The following IFT140 variants were observed in gnomAD, a reference collection of about 807,000 sequenced individuals.
IFT140 encodes intraflagellar transport protein 140 homolog.
IFT140 carries 133 observed loss-of-function variants against 164.6 expected under a neutral mutation model. The observed-to-expected ratio is 0.81, with a 90% CI of 0.70 to 0.93. IFT140 has a LOEUF of 0.93. Ranked by LOEUF, IFT140 falls within the 40% of genes least tolerant of loss-of-function variation. The probability of loss-of-function intolerance (pLI) is 0.00; values close to 1 mark genes in which losing one functional copy is unlikely to be tolerated. For missense variants in IFT140, 2,045 were observed against 1,972.3 expected, an observed-to-expected ratio of 1.04 and a Z score of -0.70; for synonymous variants, 860 against 817.3, an observed-to-expected ratio of 1.05 and a Z score of -0.89.
chr16:1,513,136 C>T (rs1567315334), intron 30 of IFT140: 1 of 152,206 alleles, frequency 6.6e-6, no homozygotes, highest in Non-Finnish European at 1.5e-5. Context: ...ATCGGCATAG[C>T]TGCAGGGTCT....
chr16:1,597,154 C>T (rs536705722), intron 4 of IFT140, among the ~76,000 whole-genome samples: 2 of 152,190 alleles, frequency 1.3e-5, no homozygotes, highest in South Asian at 2.1e-4. Context: ...CATCAGGGTG[C>T]GCGTCAGGTG....
chr16:1,566,336 C>T, intron 15 of IFT140, 45 bp from the exon 16 acceptor site: 2 of 1,605,932 alleles, frequency 1.2e-6, no homozygotes, highest in Non-Finnish European at 1.7e-6. Context: ...CTGCCCAGAC[C>T]AGCGGGTTGG....
chr16:1,604,661 G>A (rs2142068237), intron 3 of IFT140, among the ~76,000 whole-genome samples: 1 of 152,282 alleles, frequency 6.6e-6, no homozygotes, highest in East Asian at 1.9e-4. Flanking sequence ...GGAGGCCTGT[G>A]AGGGCACAGC....
At chr16:1,539,346 C>T (rs1043873016) in intron 19 of IFT140, among the ~76,000 whole-genome samples, 3 of 150,976 alleles carry the variant, frequency 2.0e-5, no homozygotes, top group African/African-American at 4.9e-5. Context: ...GTGCAAATGC[C>T]GCCCCACGCC....
At chr16:1,528,321 ATG>A (rs2029957104) in intron 19 of IFT140, among the ~76,000 whole-genome samples, 6 of 118,272 alleles carry the variant, frequency 5.1e-5, no homozygotes, top group Non-Finnish European at 1.0e-4. Flanking sequence ...ACACGCACGC[ATG>A]CACGCACGTG....
Position 1,518,294 on chromosome 16 carries a change from G to T in IFT140, c.4104C>A (p.Asp1368Glu), listed in dbSNP as rs746684542. The T allele has an allele frequency of 4.3e-6, 7 of 1,614,010 alleles. No homozygotes were observed. The highest frequency in any genetic ancestry group is 5.1e-6 in the Non-Finnish European group (6 of 1,180,024). Residue 1368 changes from aspartate to glutamate, a missense_variant, in exon 30 of 31, where the codon GAC becomes GAA. By Grantham distance (45) the Asp-to-Glu change is conservative. Transcript: ENST00000426508. Reference sequence around the variant, plus strand: ...CCCCGATGCGGATGGTGCTGTCCAGGTCTGGTTCCTCCAGGAGCAGCTCAC... The same window carrying T: ...CCCCGATGCGGATGGTGCTGTCCAGTTCTGGTTCCTCCAGGAGCAGCTCAC... ...KQCELLLEEP[D>E]LDSTIRIGDV...
intron 19 of IFT140, chr16:1,534,399 A>G (rs1166565780): frequency 6.2e-7 from 1 of 1,612,638 alleles, no homozygotes; most frequent in South Asian, 1.1e-5. Flanking sequence ...GCGCAGGCGC[A>G]GCGTGGGGCT....
chr16:1,596,195 C>T (rs2035454636), intron 4 of IFT140, among the ~76,000 whole-genome samples: 1 of 148,018 alleles, frequency 6.8e-6, no homozygotes, highest in South Asian at 2.2e-4. Context: ...TGAATGACCC[C>T]CCCATCCCCC....
At chr16:1,592,995 G>T (rs2035270267) in intron 4 of IFT140, among the ~76,000 whole-genome samples, 1 of 151,188 alleles carries the variant, frequency 6.6e-6, no homozygotes, top group South Asian at 2.1e-4. Context: ...GGAGGGACAG[G>T]TGTCCTGGCA....
chr16:1,536,244 C>A (rs571986236), intron 19 of IFT140, among the ~76,000 whole-genome samples: 17 of 152,356 alleles, frequency 1.1e-4, no homozygotes, highest in Non-Finnish European at 2.4e-4. Flanking sequence ...CTACCTCTTG[C>A]GTTCCTCCAG....
chr16:1,601,350 T>C (rs2035789196), intron 4 of IFT140, among the ~76,000 whole-genome samples: 1 of 151,890 alleles, frequency 6.6e-6, no homozygotes, highest in East Asian at 1.9e-4. Context: ...CTAAAGGACA[T>C]TCCTGGGACA....
intron 15 of IFT140, among the ~76,000 whole-genome samples, chr16:1,567,444 C>T (rs544289437): frequency 5.3e-5 from 8 of 152,298 alleles, no homozygotes; most frequent in East Asian, 3.9e-4. Flanking sequence ...CGCTCACTCT[C>T]GCCCCAACCT....
chr16:1,593,454 G>A lies in IFT140; in HGVS notation c.370-866C>T, dbSNP rs187540964. Among the ~76,000 whole-genome samples, 616 of 152,152 alleles carry A rather than the reference G, an allele frequency of 4.0e-3. 4 individuals carry two copies. The Middle Eastern group carries it at 0.048, about 12-fold the overall frequency. ...AGCCTCCTGAGTAGCTGGGACGACA[G>A]GTGCATGCCACCACACCCAGCTAAT... is the stretch of plus-strand genomic sequence containing the variant. On this transcript the variant is annotated intron_variant, in intron 4 of 30. Coordinates refer to ENST00000426508, the MANE Select transcript of IFT140 (RefSeq NM_014714.4).
chr16:1,561,774 A>G (rs1405416947), intron 18 of IFT140, among the ~76,000 whole-genome samples: 1 of 152,196 alleles, frequency 6.6e-6, no homozygotes, highest in East Asian at 1.9e-4. Flanking sequence ...TGAGAGCAAA[A>G]CCACTTCCAA....
intron 19 of IFT140, among the ~76,000 whole-genome samples, chr16:1,537,402 C>T (rs902091939): frequency 6.6e-6 from 1 of 152,244 alleles, no homozygotes; most frequent in Non-Finnish European, 1.5e-5. Context: ...GCAAACATCA[C>T]CAGGAGCCTG....
chr16:1,588,041 C>T lies in IFT140; in HGVS notation c.811-17G>A. ...CAGCTTGACCTGTGTGAGGAAACAA[C>T]CGAGCAGAGGCACCGTGCTTGCTGA... On this transcript the variant is annotated splice_polypyrimidine_tract_variant and intron_variant, in intron 7 of 30. Coordinates refer to ENST00000426508, the MANE Select transcript of IFT140 (RefSeq NM_014714.4). 6.2e-7 allele frequency: 1 copy of T among 1,611,316 alleles called. No individual in the cohort carries two copies. Among genetic ancestry groups the T allele is most frequent in the Non-Finnish European group, 8.5e-7 (1 of 1,178,442 alleles).
At chr16:1,610,884 T>C (rs1287438028) in intron 1 of IFT140, 31 bp from the exon 2 acceptor site, 1 of 152,850 alleles carries the variant, frequency 6.5e-6, no homozygotes, top group African/African-American at 2.4e-5. Context: ...GAGCTTTTTC[T>C]AGGAGAGACG....
chr16:1,533,911 G>A lies in IFT140; in HGVS notation c.2400-7115C>T, dbSNP rs368707958. 7 of 308,454 alleles carry A rather than the reference G, an allele frequency of 2.3e-5. No individual in the cohort carries two copies. The East Asian group carries it at 3.0e-4, about 13-fold the overall frequency. 19.1% of individuals were successfully genotyped at this position (308,454 alleles called of 1,614,324 possible). ...TCCCACTGCTGCCGGCCTCCCGAGT[G>A]ACTCTGTTTTCCACTGCTGCAGGCG... On this transcript the variant is annotated intron_variant, in intron 19 of 30. Transcript: ENST00000426508. This position sits in a 1 kb window ranked among gnomAD's most constrained non-coding sequence, Gnocchi z 4.7.
intron 19 of IFT140, 128 bp downstream of exon 19, chr16:1,557,807 A>C: frequency 1.1e-6 from 1 of 919,268 alleles, no homozygotes; most frequent in Non-Finnish European, 1.7e-6. Flanking sequence ...GAAGACCATG[A>C]AATACACCAT....
Sources: gnomAD v4.1 joint callset for allele counts (sites outside exome capture counted in the v4.1 genomes callset) on GRCh38, gnomAD v4.1.1 for gene constraint, Gnocchi (gnomAD v3.1) non-coding constraint, MANE v1.5 for transcripts, NCBI Gene and HGNC (gene_info 2026-07-23, HGNC 2026-07-21) for gene names.